SGTA: variants seen among roughly 807,000 people sequenced by gnomAD.
SGTA encodes the protein small glutamine rich tetratricopeptide repeat co-chaperone alpha.
In SGTA, 22 loss-of-function variants were observed where a neutral mutation model predicts 44.3. That is an observed-to-expected ratio of 0.50 (90% CI 0.36 to 0.71). SGTA has a LOEUF of 0.71. SGTA is among the 30% of genes least tolerant of loss of function. SGTA has a pLI of 0.00. For missense variants in SGTA, 341 were observed against 435.9 expected, an observed-to-expected ratio of 0.78 and a Z score of 1.94; for synonymous variants, 174 against 177.6, an observed-to-expected ratio of 0.98 and a Z score of 0.16.
intron 1 of SGTA, among the ~76,000 whole-genome samples, chr19:2,780,204 C>T (rs991497494): frequency 3.3e-5 from 5 of 152,202 alleles, no homozygotes; most frequent in Non-Finnish European, 5.9e-5. Context: ...TACCTCCTCA[C>T]ACCCCAGTAG....
Position 2,765,218 on chromosome 19 carries a change from G to C in SGTA, c.360C>G (p.Leu120=), listed in dbSNP as rs1191865140. 21 of 1,614,082 alleles carry C rather than the reference G, an allele frequency of 1.3e-5. No individual in the cohort carries two copies. Among genetic ancestry groups the C allele is most frequent in the Non-Finnish European group, 1.8e-5 (21 of 1,179,986 alleles). ...AVHFYGKAIE[L]NPANAVYFCN... ...AGAAATAGACGGCGTTGGCTGGGTTGAGCTCGATGGCTTTTCCGTAGAAAT... is the reference window on the plus strand; with the variant it reads ...AGAAATAGACGGCGTTGGCTGGGTTCAGCTCGATGGCTTTTCCGTAGAAAT... Residue 120 remains leucine, a synonymous_variant, in exon 5 of 12, where the codon CTC becomes CTG. Transcript: ENST00000221566. This position sits in a 1 kb window ranked among gnomAD's most constrained non-coding sequence, Gnocchi z 5.5.
At chr19:2,757,862 G>T in intron 9 of SGTA, 80 bp from the exon 10 acceptor site, 1 of 949,500 alleles carries the variant, frequency 1.1e-6, no homozygotes. Context: ...TGGCCCGGGA[G>T]AGAATCCCTC....
At position 2,754,728 on chromosome 19, in the gene SGTA, CT is replaced by C; in HGVS notation, c.*1211del. 6.6e-6 allele frequency: 1 copy of C among 152,176 alleles called. No homozygotes were observed. The highest frequency in any genetic ancestry group is 6.5e-5 in the Admixed American group (1 of 15,300). 9.4% of individuals were successfully genotyped at this position (152,176 alleles called of 1,614,324 possible). ...CGAAGACAGACAGAGGTCACAACGC[CT>C]ATTTATTCCCCACACGTCACGCCCT... On this transcript the variant is annotated 3_prime_UTR_variant, in exon 12 of 12. Coordinates refer to ENST00000221566, the MANE Select transcript of SGTA (RefSeq NM_003021.4). This position sits in a 1 kb window ranked among gnomAD's most constrained non-coding sequence, Gnocchi z 4.4.
chr19:2,757,848 G>T, intron 9 of SGTA, 66 bp from the exon 10 acceptor site: 1 of 1,081,220 alleles, frequency 9.2e-7, no homozygotes. Flanking sequence ...GCAGGCCCTC[G>T]CAGTGGCCCG....
intron 1 of SGTA, among the ~76,000 whole-genome samples, chr19:2,771,558 C>T (rs1436298123): frequency 8.9e-5 from 13 of 146,770 alleles, no homozygotes; most frequent in Admixed American, 8.4e-4. Context: ...CCATGGATGG[C>T]GACAGCACCT....
rs749663207 is a variant in SGTA at position 2,767,729 on chromosome 19, C to G, written c.101-43G>C. 4.0e-6 allele frequency: 6 copies of G among 1,515,488 alleles called. No individual in the cohort carries two copies. The East Asian group carries it at 1.4e-4, about 34-fold the overall frequency. The allele number at this position is 1,515,488 out of a possible 1,614,324, so 93.9% of individuals were successfully genotyped here. A position where few individuals can be genotyped will look rare whatever the true frequency, so the allele number is the denominator to read the frequency against. On this transcript the variant is annotated intron_variant, in intron 2 of 11. Coordinates refer to ENST00000221566, the MANE Select transcript of SGTA (RefSeq NM_003021.4). The surrounding 1 kb of genome is among the most constrained non-coding windows in gnomAD (Gnocchi z 7.3). ...GCGGTCCCATTCATTGCACGCAGCC[C>G]CGAGGTTACGTTTTTGGGTCTAGAG...
chr19:2,769,026 G>A lies in SGTA; in HGVS notation c.43C>T (p.Leu15=). The change falls in exon 2 of 12, where the codon CTG becomes TTG. Residue 15 remains leucine (L), a synonymous_variant. Transcript: ENST00000221566. ...CCCCCGTGCCGGAGCTGGTCATGCA[G>A]GAACTGGATGATGGCGTAGGCCAGG... The part of the protein sequence containing the change: ...KRLAYAIIQF[L]HDQLRHGGLS... The A allele has an allele frequency of 6.2e-7, 1 of 1,614,070 alleles. No homozygotes were observed. The highest frequency in any genetic ancestry group is 8.5e-7 in the Non-Finnish European group (1 of 1,179,978).
chr19:2,759,152 T>C, intron 9 of SGTA, 105 bp downstream of exon 9: 1 of 1,018,358 alleles, frequency 9.8e-7, no homozygotes, highest in East Asian at 2.4e-5. Flanking sequence ...TTAATGCCAT[T>C]AAGTTGCACA....
chr19:2,769,879 CCGGACACCCTCCTGGTTCCCCCAG>C (rs1915253986), intron 1 of SGTA, among the ~76,000 whole-genome samples: 2 of 131,882 alleles, frequency 1.5e-5, no homozygotes, highest in Non-Finnish European at 1.6e-5. Flanking sequence ...GGTTCCCCCA[CCGGACACCCTCCTGGTTCCCCCAG>C]CGGACACCAG....
chr19:2,765,224 G>T lies in SGTA; in HGVS notation c.354C>A (p.Ile118=), dbSNP rs149116209. 1 of 1,614,098 alleles carries T rather than the reference G, an allele frequency of 6.2e-7. No homozygotes were observed. The highest frequency in any genetic ancestry group is 1.7e-5 in the Admixed American group (1 of 60,024). ...AGACGGCGTTGGCTGGGTTGAGCTC[G>T]ATGGCTTTTCCGTAGAAATGCACGG... ...EAAVHFYGKA[I]ELNPANAVYF... The change falls in exon 5 of 12, where the codon ATC becomes ATA. Residue 118 remains isoleucine (I), a synonymous_variant. Coordinates refer to ENST00000221566, the MANE Select transcript of SGTA (RefSeq NM_003021.4). This position sits in a 1 kb window ranked among gnomAD's most constrained non-coding sequence, Gnocchi z 5.5.
chr19:2,773,408 T>A (rs373494842), intron 1 of SGTA, among the ~76,000 whole-genome samples: 8 of 1,100 alleles, frequency 7.3e-3, no homozygotes, highest in East Asian at 0.045. Flanking sequence ...CGGCAGGGAC[T>A]CCGAGGGCAG....
At chr19:2,781,377 G>C (rs1204507215) in intron 1 of SGTA, among the ~76,000 whole-genome samples, 1 of 152,204 alleles carries the variant, frequency 6.6e-6, no homozygotes, top group African/African-American at 2.4e-5. Flanking sequence ...AAAAGGGCCA[G>C]ATTGTCTTCA....
chr19:2,766,986 C>T (rs986967258), intron 4 of SGTA, 150 bp downstream of exon 4: 5 of 671,858 alleles, frequency 7.4e-6, no homozygotes, highest in Admixed American at 2.2e-5. Context: ...GTCCCCCTTC[C>T]GTCCCCGTCC....
In SGTA at chr19:2,767,787, G is replaced by A. The variant is rs989313493; in HGVS notation, c.101-101C>T. The A allele has an allele frequency of 2.3e-6, 2 of 870,094 alleles. No individual in the cohort carries two copies. Among genetic ancestry groups the A allele is most frequent in the African/African-American group, 3.3e-5 (2 of 60,156 alleles). The allele number at this position is 870,094 out of a possible 1,614,324, so 53.9% of individuals were successfully genotyped here. A position where few individuals can be genotyped will look rare whatever the true frequency, so the allele number is the denominator to read the frequency against. On this transcript the variant is annotated intron_variant, in intron 2 of 11. Transcript: ENST00000221566. This position sits in a 1 kb window ranked among gnomAD's most constrained non-coding sequence, Gnocchi z 7.3. ...TTGGTGCTCATGCTTCCCCAGGTGT[G>A]TTCATTCCCAAGGACCCCAGAACGC...
Position 2,767,772 on chromosome 19 carries a change from T to A in SGTA, c.101-86A>T, listed in dbSNP as rs1915189810. The A allele has an allele frequency of 1.0e-6, 1 of 998,756 alleles. No homozygotes were observed. The highest frequency in any genetic ancestry group is 1.6e-6 in the Non-Finnish European group (1 of 635,930). 61.9% of individuals were successfully genotyped at this position (998,756 alleles called of 1,614,324 possible). A position where few individuals can be genotyped will look rare whatever the true frequency, so the allele number is the denominator to read the frequency against. On this transcript the variant is annotated intron_variant, in intron 2 of 11. Transcript: ENST00000221566. This position sits in a 1 kb window ranked among gnomAD's most constrained non-coding sequence, Gnocchi z 7.3. ...GTCTAGAGGGCGGGGTTGGTGCTCA[T>A]GCTTCCCCAGGTGTGTTCATTCCCA... is the stretch of plus-strand genomic sequence containing the variant.
intron 1 of SGTA, among the ~76,000 whole-genome samples, chr19:2,781,872 C>T (rs1287634768): frequency 3.4e-5 from 5 of 147,522 alleles, no homozygotes; most frequent in African/African-American, 1.3e-4. Context: ...GACAGGGTCT[C>T]GCTCTGTCGC....
intron 6 of SGTA, among the ~76,000 whole-genome samples, chr19:2,762,921 G>A (rs1395731703): frequency 6.6e-6 from 1 of 152,220 alleles, no homozygotes; most frequent in Non-Finnish European, 1.5e-5. Context: ...TGAGAGGAGG[G>A]AGCGGGCCAG....
chr19:2,773,555 G>A (rs1224168458), intron 1 of SGTA, among the ~76,000 whole-genome samples: 4 of 22,974 alleles, frequency 1.7e-4, no homozygotes, highest in Non-Finnish European at 1.3e-4. Context: ...TGGGTGACGC[G>A]GCCACACGGC....
chr19:2,777,061 G>A (rs890759856), intron 1 of SGTA, among the ~76,000 whole-genome samples: 3 of 151,650 alleles, frequency 2.0e-5, no homozygotes, highest in South Asian at 2.1e-4. Context: ...TCAGGAGTTC[G>A]AGACCAGCCT....
Sources: allele counts gnomAD v4.1 joint callset (sites outside exome capture counted in the v4.1 genomes callset), GRCh38; gene constraint gnomAD v4.1.1; non-coding constraint Gnocchi (gnomAD v3.1); transcripts MANE v1.5; gene names NCBI Gene and HGNC (gene_info 2026-07-23, HGNC 2026-07-21).